Variants in CCDC13 observed in about 807,000 individuals in gnomAD.
CCDC13 encodes the protein coiled-coil domain containing 13.
Under a neutral mutation model 87.3 loss-of-function variants are expected in CCDC13, and 70 were observed. The ratio of observed to expected loss-of-function variants is 0.80; its 90% CI spans 0.66 to 0.98. The LOEUF (loss-of-function observed/expected upper bound fraction) is 0.98. Ranked by LOEUF, CCDC13 falls within the 50% of genes least tolerant of loss-of-function variation. CCDC13 has a pLI of 0.00. For missense variants in CCDC13, 842 were observed against 892.0 expected, an observed-to-expected ratio of 0.94 and a Z score of 0.71; for synonymous variants, 317 against 360.3, an observed-to-expected ratio of 0.88 and a Z score of 1.36.
chr3:42,727,959 G>C (rs1260310281), intron 13 of CCDC13, among the ~76,000 whole-genome samples: 1 of 152,132 alleles, frequency 6.6e-6, no homozygotes. Context: ...AATCAAAGTG[G>C]ATTAAACGAT....
intron 15 of CCDC13, 93 bp downstream of exon 15, chr3:42,709,591 A>G: frequency 9.7e-7 from 1 of 1,032,354 alleles, no homozygotes. Context: ...AAATGAGTCA[A>G]AAGTGCAAGG....
At chr3:42,765,465 G>A (rs1360781902) in intron 1 of CCDC13, among the ~76,000 whole-genome samples, 1 of 152,192 alleles carries the variant, frequency 6.6e-6, no homozygotes, top group African/African-American at 2.4e-5. Context: ...GAGTGCAATG[G>A]CACGATCTCG....
At chr3:42,754,917 G>A (rs765167307) in intron 3 of CCDC13, among the ~76,000 whole-genome samples, 3 of 152,194 alleles carry the variant, frequency 2.0e-5, no homozygotes, top group Non-Finnish European at 4.4e-5. Context: ...GGGGGCGGCA[G>A]TGGATGGGCA....
chr3:42,762,624 C>T (rs1422214300), intron 1 of CCDC13, among the ~76,000 whole-genome samples: 1 of 152,216 alleles, frequency 6.6e-6, no homozygotes, highest in Non-Finnish European at 1.5e-5. Flanking sequence ...GAAGTAAGTA[C>T]TGTCAACATG....
chr3:42,735,967 G>A, intron 9 of CCDC13, 54 bp from the exon 10 acceptor site: 1 of 1,547,914 alleles, frequency 6.5e-7, no homozygotes, highest in Non-Finnish European at 8.8e-7. Context: ...TTTGGGCCGG[G>A]GAGGACAAGA....
chr3:42,735,642 G>T, intron 10 of CCDC13, 65 bp downstream of exon 10: 1 of 1,523,686 alleles, frequency 6.6e-7, no homozygotes, highest in Non-Finnish European at 9.0e-7. Context: ...GGAAAGAAGT[G>T]GAAGGAGCTG....
chr3:42,758,171 G>A lies in CCDC13; in HGVS notation c.175C>T (p.Leu59Phe). The change falls in exon 2 of 16, where the codon CTT becomes TTT. Residue 59 changes from leucine to phenylalanine, a missense_variant. Coordinates refer to ENST00000310232, the MANE Select transcript of CCDC13 (RefSeq NM_144719.4). ...EPLEVSDGLS[L>F]LHAGEPNSKN... Reference sequence around the variant, plus strand: ...GAGTTTGGCTCCCCTGCGTGGAGAAGGCTGAGGCCATCTGAAACCTCCAAG... The same window carrying A: ...GAGTTTGGCTCCCCTGCGTGGAGAAAGCTGAGGCCATCTGAAACCTCCAAG... 6.2e-7 allele frequency: 1 copy of A among 1,614,056 alleles called. No homozygotes were observed.
At chr3:42,755,073 A>G (rs1699675065) in intron 3 of CCDC13, among the ~76,000 whole-genome samples, 1 of 152,234 alleles carries the variant, frequency 6.6e-6, no homozygotes, top group African/African-American at 2.4e-5. Context: ...AAACTGCAAT[A>G]GAAAGGGAGA....
chr3:42,705,287 G>C (rs1449660944), downstream of CCDC13, among the ~76,000 whole-genome samples: 1 of 152,134 alleles, frequency 6.6e-6, no homozygotes, highest in Non-Finnish European at 1.5e-5. Context: ...GGGGTGCAGA[G>C]GAGCACACCC....
At chr3:42,729,191 A>AC (rs1282684271) in intron 13 of CCDC13, among the ~76,000 whole-genome samples, 4 of 152,088 alleles carry the variant, frequency 2.6e-5, no homozygotes, top group Admixed American at 6.6e-5. Context: ...TTTTTCACAC[A>AC]CCCCCAAACT....
chr3:42,766,735 T>C (rs974539907), intron 1 of CCDC13, among the ~76,000 whole-genome samples: 2 of 152,176 alleles, frequency 1.3e-5, no homozygotes, highest in Non-Finnish European at 2.9e-5. Flanking sequence ...ACTTTAGGTA[T>C]GCAAGGCTGG....
At chr3:42,763,464 A>C (rs1169958405) in intron 1 of CCDC13, among the ~76,000 whole-genome samples, 1 of 152,148 alleles carries the variant, frequency 6.6e-6, no homozygotes, top group Non-Finnish European at 1.5e-5. Context: ...CAGTGTCAAC[A>C]AAAACAGTCA....
chr3:42,757,649 T>A (rs1699734413), intron 2 of CCDC13, among the ~76,000 whole-genome samples: 2 of 152,096 alleles, frequency 1.3e-5, no homozygotes, highest in Non-Finnish European at 2.9e-5. Flanking sequence ...ACCCAGGAGC[T>A]TGAGGCTGCA....
Position 42,706,731 on chromosome 3 carries a change from T to C in CCDC13, c.*2249A>G, listed in dbSNP as rs930489983. On this transcript the variant is annotated 3_prime_UTR_variant, in exon 16 of 16. Transcript: ENST00000310232. ...TATAACTCTTGTTGAAATCAGTCTA[T>C]AGATACATGTTCCTTGTACAGAAAT... The C allele has an allele frequency of 7.9e-5, 12 of 152,250 alleles. No individual in the cohort carries two copies. Among genetic ancestry groups the C allele is most frequent in the African/African-American group, 2.9e-4 (12 of 41,466 alleles). 9.4% of individuals were successfully genotyped at this position (152,250 alleles called of 1,614,324 possible). A position where few individuals can be genotyped will look rare whatever the true frequency, so the allele number is the denominator to read the frequency against.
At chr3:42,713,120 T>C in intron 14 of CCDC13, 42 bp downstream of exon 14, 1 of 1,596,406 alleles carries the variant, frequency 6.3e-7, no homozygotes, top group Middle Eastern at 1.7e-4. Context: ...GCAGCAACAC[T>C]GCCTCCACCC....
rs895366274 is a variant in CCDC13 at position 42,707,332 on chromosome 3, T to C, written c.*1648A>G. ...CCTTCACAAGGAACCAGAGAAAAAC[T>C]CTTCCTTCCCAGAGACCCTTAGGAC... On this transcript the variant is annotated 3_prime_UTR_variant, in exon 16 of 16. Coordinates refer to ENST00000310232, the MANE Select transcript of CCDC13 (RefSeq NM_144719.4). Among the ~76,000 whole-genome samples, 1 of 152,078 alleles carries C rather than the reference T, an allele frequency of 6.6e-6. No individual in the cohort carries two copies. The highest frequency in any genetic ancestry group is 1.5e-5 in the Non-Finnish European group (1 of 68,010).
rs1699377884 is a variant in CCDC13 at position 42,745,865 on chromosome 3, T to C, written c.825+58A>G. The C allele has an allele frequency of 1.1e-5, 16 of 1,425,366 alleles. No homozygotes were observed. The South Asian group carries it at 1.9e-4, about 17-fold the overall frequency. The allele number at this position is 1,425,366 out of a possible 1,614,324, so 88.3% of individuals were successfully genotyped here. On this transcript the variant is annotated intron_variant, in intron 7 of 15. Coordinates refer to ENST00000310232, the MANE Select transcript of CCDC13 (RefSeq NM_144719.4). ...GTCTCTAAGGGGGTCAGGGCAGCTCTTTCTGGGGTGTTTTAAATCCTTTGT... is the reference window on the plus strand; with the variant it reads ...GTCTCTAAGGGGGTCAGGGCAGCTCCTTCTGGGGTGTTTTAAATCCTTTGT...
Position 42,735,884 on chromosome 3 carries a change from T to C in CCDC13, c.1194A>G (p.Leu398=), listed in dbSNP as rs144324915. 18 of 1,613,960 alleles carry C rather than the reference T, an allele frequency of 1.1e-5. No individual in the cohort carries two copies. Among genetic ancestry groups the C allele is most frequent in the African/African-American group, 4.0e-5 (3 of 74,930 alleles). Residue 398 remains leucine (L), a synonymous_variant, in exon 10 of 16, where the codon CTA becomes CTG. Transcript: ENST00000310232. ...TCTCCTCCTGCAGACTCAGGCTGCC[T>C]AGGATCTCCTGTAGCTGCTTCAGCT... is the stretch of plus-strand genomic sequence containing the variant. ...MDQLKQLQEI[L]GSLSLQEEKT... is the part of the protein sequence containing the mutation.
At chr3:42,728,313 G>T (rs1349318633) in intron 13 of CCDC13, among the ~76,000 whole-genome samples, 1 of 152,110 alleles carries the variant, frequency 6.6e-6, no homozygotes, top group Non-Finnish European at 1.5e-5. Context: ...TAGGGAACTG[G>T]GTGGGGGAGG....
Sources: gnomAD v4.1 joint callset for allele counts (sites outside exome capture counted in the v4.1 genomes callset) on GRCh38, gnomAD v4.1.1 for gene constraint, MANE v1.5 for transcripts, NCBI Gene and HGNC (gene_info 2026-07-23, HGNC 2026-07-21) for gene names.